ARHGEF10L: variants seen among roughly 807,000 people sequenced by gnomAD.
ARHGEF10L encodes rho guanine nucleotide exchange factor 10-like protein.
ARHGEF10L carries 69 observed loss-of-function variants against 141.2 expected under a neutral mutation model. The observed-to-expected ratio is 0.49, with a 90% CI of 0.40 to 0.60. The LOEUF is 0.60. Among genes scored for constraint, ARHGEF10L ranks in the 20% least tolerant of loss-of-function variants. ARHGEF10L has a pLI of 0.00. For missense variants in ARHGEF10L, 1,482 were observed against 1,734.3 expected (o/e 0.85, Z 2.58); for synonymous variants, 711 against 718.5 (o/e 0.99, Z 0.17).
intron 21 of ARHGEF10L, among the ~76,000 whole-genome samples, chr1:17,646,773 C>T (rs1193634685): frequency 6.6e-6 from 1 of 152,012 alleles, no homozygotes; most frequent in Non-Finnish European, 1.5e-5. Context: ...GGGCAGCGTT[C>T]CGGACAGCGG....
chr1:17,654,630 C>T lies in ARHGEF10L; in HGVS notation c.2395-6C>T. On this transcript the variant is annotated splice_region_variant and splice_polypyrimidine_tract_variant and intron_variant, in intron 22 of 28. Coordinates refer to ENST00000361221, the MANE Select transcript of ARHGEF10L (RefSeq NM_018125.4). The surrounding 1 kb of genome is among the most constrained non-coding windows in gnomAD (Gnocchi z 4.3). ...AACCTCACATGTACCGTCTCTGTCT[C>T]TGCAGCTTGGGGCCCTGGTCCACAG... 6.2e-7 allele frequency: 1 copy of T among 1,614,058 alleles called. No individual in the cohort carries two copies. Among genetic ancestry groups the T allele is most frequent in the Non-Finnish European group, 8.5e-7 (1 of 1,179,892 alleles).
intron 2 of ARHGEF10L, among the ~76,000 whole-genome samples, chr1:17,582,849 C>A (rs1367022243): frequency 2.0e-5 from 3 of 152,068 alleles, no homozygotes; most frequent in Non-Finnish European, 2.9e-5. Flanking sequence ...TGTGTCTTAC[C>A]TTTCCTTCCC....
chr1:17,547,747 G>A (rs900481314), intron 1 of ARHGEF10L, among the ~76,000 whole-genome samples: 7 of 152,146 alleles, frequency 4.6e-5, no homozygotes, highest in Admixed American at 6.5e-5. Flanking sequence ...CATGACCACT[G>A]AAGAAAACAC....
intron 22 of ARHGEF10L, among the ~76,000 whole-genome samples, chr1:17,649,181 C>A (rs1254738090): frequency 1.3e-5 from 2 of 152,228 alleles, no homozygotes; most frequent in South Asian, 2.1e-4. Context: ...GTTTCTCTAT[C>A]CATTTCACAG....
At chr1:17,527,766 T>C in the ARHGEF10L span, among the ~76,000 whole-genome samples, 3 of 152,134 alleles carry the variant, frequency 2.0e-5, no homozygotes, top group African/African-American at 7.2e-5. Flanking sequence ...GCAGAAAAAC[T>C]GCATCCAGTT....
rs2060272981 is a variant in ARHGEF10L, at chr1:17,624,460, A to G, written c.1274A>G (p.Lys425Arg). 1.2e-6 allele frequency: 2 copies of G among 1,614,242 alleles called. No homozygotes were observed. The highest frequency in any genetic ancestry group is 2.2e-5 in the East Asian group (1 of 44,886). The stretch of plus-strand genomic sequence containing the variant: ...TTCACCAGTGCCATGTCCATCATCA[A>G]GAAGGCCTGCCTCACCAAGCCTGCC... ...NNFTSAMSII[K>R]KACLTKPAFL... is the part of the protein sequence containing the mutation. Residue 425 changes from lysine to arginine, a missense_variant, in exon 13 of 29, where the codon AAG becomes AGG. Around this residue, in one of 3 missense-constraint regions of ARHGEF10L, gnomAD observed 392 missense variants for 542.1 expected, o/e 0.72. Transcript: ENST00000361221.
At chr1:17,680,720 A>G (rs182610260) in intron 26 of ARHGEF10L, among the ~76,000 whole-genome samples, 1 of 149,248 alleles carries the variant, frequency 6.7e-6, no homozygotes, top group Non-Finnish European at 1.5e-5. Flanking sequence ...AGGCGGGCAC[A>G]ACCCCTCCCC....
In ARHGEF10L at chr1:17,697,221, C is replaced by T. The variant is rs1245956948; in HGVS notation, c.3681C>T (p.Ala1227=). The change falls in exon 29 of 29, where the codon GCC becomes GCT. Residue 1227 remains alanine, a synonymous_variant. Coordinates refer to ENST00000361221, the MANE Select transcript of ARHGEF10L (RefSeq NM_018125.4). The surrounding 1 kb of genome is among the most constrained non-coding windows in gnomAD (Gnocchi z 4.8). Reference sequence around the variant, plus strand: ...TCTGGGTGCGCAGCCGGCCCTGCGCCCGCGACGCCCACCGCAAGGAGATTT... The same window carrying T: ...TCTGGGTGCGCAGCCGGCCCTGCGCTCGCGACGCCCACCGCAAGGAGATTT... ...PDIWVRSRPC[A]RDAHRKEICS... 11 of 1,612,170 alleles carry T rather than the reference C, an allele frequency of 6.8e-6. No individual in the cohort carries two copies. Among genetic ancestry groups the T allele is most frequent in the Non-Finnish European group, 8.5e-6 (10 of 1,179,574 alleles).
At chr1:17,618,128 C>A (rs2059908358) in intron 9 of ARHGEF10L, among the ~76,000 whole-genome samples, 1 of 152,178 alleles carries the variant, frequency 6.6e-6, no homozygotes, top group Non-Finnish European at 1.5e-5. Flanking sequence ...ATGGAGGGAG[C>A]AGGCCAAGTG....
chr1:17,696,185 C>T (rs1337665109), intron 28 of ARHGEF10L, among the ~76,000 whole-genome samples: 1 of 143,834 alleles, frequency 7.0e-6, no homozygotes, highest in Non-Finnish European at 1.5e-5. Flanking sequence ...TGCACTCCAG[C>T]CTGGGGGACA....
Position 17,656,983 on chromosome 1 carries a change from G to C in ARHGEF10L, c.2860+275G>C, listed in dbSNP as rs906995765. Among the ~76,000 whole-genome samples the C allele has an allele frequency of 1.3e-5, 2 of 152,178 alleles. No homozygotes were observed. The highest frequency in any genetic ancestry group is 4.8e-5 in the African/African-American group (2 of 41,444). On this transcript the variant is annotated intron_variant, in intron 25 of 28. Transcript: ENST00000361221. The surrounding 1 kb of genome is among the most constrained non-coding windows in gnomAD (Gnocchi z 4.9). ...AAGAGAGGTACTCGCAGGTTGGAGA[G>C]ACCTGGCTTCCCGTTCAGGCTTTGC...
intron 15 of ARHGEF10L, among the ~76,000 whole-genome samples, chr1:17,630,567 C>T (rs2060624034): frequency 6.6e-6 from 1 of 152,208 alleles, no homozygotes; most frequent in Admixed American, 6.5e-5. Context: ...TCCCCTGGCT[C>T]CTGTCACACT....
At chr1:17,547,102 A>G (rs1386795643) in intron 1 of ARHGEF10L, among the ~76,000 whole-genome samples, 1 of 152,196 alleles carries the variant, frequency 6.6e-6, no homozygotes, top group African/African-American at 2.4e-5. Context: ...AGCCCCTAGC[A>G]GCAGTGCCCA....
chr1:17,634,670 C>T (rs1229713095), intron 17 of ARHGEF10L, 108 bp downstream of exon 17: 4 of 1,506,838 alleles, frequency 2.7e-6, no homozygotes, highest in African/African-American at 2.8e-5. Context: ...GTGCTTCTAC[C>T]CTGGCGAGGG....
At chr1:17,521,558 G>A in the ARHGEF10L span, among the ~76,000 whole-genome samples, 8 of 152,304 alleles carry the variant, frequency 5.3e-5, no homozygotes, top group Admixed American at 4.6e-4. Flanking sequence ...ACTTCATGGC[G>A]AGCACTTTGC....
chr1:17,670,189 G>A (rs1209170707), intron 26 of ARHGEF10L, among the ~76,000 whole-genome samples: 1 of 152,276 alleles, frequency 6.6e-6, no homozygotes, highest in African/African-American at 2.4e-5. Context: ...AGGCCCACAT[G>A]GCCTGGACTC....
chr1:17,531,279 G>C, the ARHGEF10L span, among the ~76,000 whole-genome samples: 1 of 152,196 alleles, frequency 6.6e-6, no homozygotes, highest in Non-Finnish European at 1.5e-5. Flanking sequence ...TCACGTCCCT[G>C]ACGTGCTGAG....
rs147524790 is a variant in ARHGEF10L at position 17,625,754 on chromosome 1, G to A, written c.1318-202G>A. On this transcript the variant is annotated intron_variant, in intron 13 of 28. Transcript: ENST00000361221. This position sits in a 1 kb window ranked among gnomAD's most constrained non-coding sequence, Gnocchi z 4.5. ...GACTGCTTTAGTCTCCTGAGGGTGC[G>A]CGGCCATGCAGGGGCACTGGTGGGA... Among the ~76,000 whole-genome samples, 186 of 152,274 alleles carry A rather than the reference G, an allele frequency of 1.2e-3. 1 individual carries two copies. Among genetic ancestry groups the A allele is most frequent in the Non-Finnish European group, 2.2e-3 (148 of 68,022 alleles).
intron 15 of ARHGEF10L, among the ~76,000 whole-genome samples, chr1:17,631,602 G>A (rs1472790915): frequency 6.6e-6 from 1 of 152,200 alleles, no homozygotes; most frequent in Non-Finnish European, 1.5e-5. Context: ...ACACATACAG[G>A]GCCGGCCTCT....
Sources: gnomAD v4.1 joint callset for allele counts (sites outside exome capture counted in the v4.1 genomes callset) on GRCh38, gnomAD v4.1.1 for gene constraint, gnomAD v4.1.1 regional missense constraint, Gnocchi (gnomAD v3.1) non-coding constraint, MANE v1.5 for transcripts, NCBI Gene and HGNC (gene_info 2026-07-23, HGNC 2026-07-21) for gene names.